The following ZNF718 variants were observed in gnomAD, a reference collection of about 807,000 sequenced individuals.
ZNF718 encodes zinc finger protein 718.
In ZNF718, 3 loss-of-function variants were observed where a neutral mutation model predicts 2.6. That is an observed-to-expected ratio of 1.16 (90% CI 0.53 to 3.01). The LOEUF (loss-of-function observed/expected upper bound fraction) is 3.01. Ranked by LOEUF, ZNF718 falls within the 30% of genes most tolerant of loss-of-function variation. The pLI is 0.03. For synonymous variants in ZNF718, 135 were observed against 77.9 expected (o/e 1.73, Z -3.86); for missense variants, 468 against 230.0 (o/e 2.03, Z -6.69).
chr4:180,036 A>AG (rs1207356108), intron 3 of ZNF718, among the ~76,000 whole-genome samples: 1 of 152,236 alleles, frequency 6.6e-6, no homozygotes, highest in Non-Finnish European at 1.5e-5. Flanking sequence ...AAGGAAGCAG[A>AG]GAAAAAAATA....
chr4:168,359 C>A (rs1043563987), downstream of ZNF718, among the ~76,000 whole-genome samples: 1 of 152,130 alleles, frequency 6.6e-6, no homozygotes, highest in Admixed American at 6.6e-5. Context: ...ATGATGCTGG[C>A]CTCATAAAAT....
intron 3 of ZNF718, among the ~76,000 whole-genome samples, chr4:160,235 C>T (rs1367857492): frequency 6.6e-6 from 1 of 152,128 alleles, no homozygotes; most frequent in Admixed American, 6.6e-5. Flanking sequence ...CTCTAAGAAG[C>T]CAGGTGTTGG....
In ZNF718 at chr4:130,551, T is replaced by A. The variant is rs1186485317; in HGVS notation, c.4-237T>A. ...TCACGAGGTCAGAAGATGGAGACCA[T>A]CCTGGCCAACATCGTGAAACCCTGT... is the stretch of plus-strand genomic sequence containing the variant. On this transcript the variant is annotated intron_variant, in intron 1 of 3. Coordinates refer to ENST00000510175, the MANE Select transcript of ZNF718 (RefSeq NM_001039127.6). Among the ~76,000 whole-genome samples, 8 of 102,112 alleles carry A rather than the reference T, an allele frequency of 7.8e-5. 3 individuals carry two copies. Among genetic ancestry groups the A allele is most frequent in the Admixed American group, 2.1e-4 (2 of 9,422 alleles). 67.0% of individuals were successfully genotyped at this position (102,112 alleles called of 152,430 possible). A position where few individuals can be genotyped will look rare whatever the true frequency, so the allele number is the denominator to read the frequency against.
At chr4:138,382 G>A (rs372540842) in intron 3 of ZNF718, among the ~76,000 whole-genome samples, 14 of 152,202 alleles carry the variant, frequency 9.2e-5, no homozygotes, top group African/African-American at 2.6e-4. Context: ...AACATGCAAC[G>A]TTTGCCTTCA....
At chr4:150,668 A>C (rs1299264580) in intron 3 of ZNF718, among the ~76,000 whole-genome samples, 9 of 152,264 alleles carry the variant, frequency 5.9e-5, no homozygotes, top group African/African-American at 2.2e-4. Flanking sequence ...AATTGGATTG[A>C]TTCCATATAT....
At chr4:134,354 G>A (rs1715465152) in intron 3 of ZNF718, among the ~76,000 whole-genome samples, 1 of 152,140 alleles carries the variant, frequency 6.6e-6, no homozygotes, top group Non-Finnish European at 1.5e-5. Context: ...CACCATGTTA[G>A]CCAGGATGGT....
At chr4:150,728 T>G (rs761356463) in intron 3 of ZNF718, among the ~76,000 whole-genome samples, 19 of 150,390 alleles carry the variant, frequency 1.3e-4, no homozygotes, top group Non-Finnish European at 2.2e-4. Context: ...AGATGTCTCT[T>G]TGACATACTG....
chr4:150,619 GT>G lies in ZNF718; in HGVS notation c.227-10292del, dbSNP rs200492854. On this transcript the variant is annotated intron_variant, in intron 3 of 3. Transcript: ENST00000510175. ...TTATAACTGAATAGTATTTTGTTGTGTATCTGTACTAGATTTTCTTTATCAT... is the reference window on the plus strand; with the variant it reads ...TTATAACTGAATAGTATTTTGTTGTGATCTGTACTAGATTTTCTTTATCAT... 8.8e-3 allele frequency among the ~76,000 whole-genome samples: 1,337 copies of G among 151,948 alleles called. 13 individuals are homozygous for G. Among genetic ancestry groups the G allele is most frequent in the Non-Finnish European group, 0.015 (1,006 of 67,944 alleles).
intron 2 of ZNF718, among the ~76,000 whole-genome samples, 174 bp from the exon 3 acceptor site, chr4:131,236 T>TA (rs1715342390): frequency 9.6e-6 from 1 of 104,296 alleles, no homozygotes; most frequent in African/African-American, 3.3e-5. Context: ...TAGTGGAACT[T>TA]AAAGCCCACA....
chr4:137,752 CT>C (rs879997726), intron 3 of ZNF718, among the ~76,000 whole-genome samples: 128 of 143,704 alleles, frequency 8.9e-4, no homozygotes, highest in Non-Finnish European at 1.4e-3. Context: ...ATACTTTTTA[CT>C]TTTTTTTTTC....
intron 3 of ZNF718, among the ~76,000 whole-genome samples, chr4:172,756 T>C (rs1717264820): frequency 6.6e-6 from 1 of 152,114 alleles, no homozygotes; most frequent in Non-Finnish European, 1.5e-5. Flanking sequence ...TGTGTGTAAA[T>C]GTATAAAACA....
At position 184,031 on chromosome 4, in the gene ZNF718, C is replaced by A. The variant is rs377685921; in HGVS notation, c.227-17050C>A. On this transcript the variant is annotated intron_variant and NMD_transcript_variant, in intron 3 of 4. Transcript: ENST00000642529. Reference sequence around the variant, plus strand: ...TCTTGCCTGATTGCCGTGGCCACAACTTCCAATACTGTGTTGAATAAAAGT... The same window carrying A: ...TCTTGCCTGATTGCCGTGGCCACAAATTCCAATACTGTGTTGAATAAAAGT... 2.6e-5 allele frequency among the ~76,000 whole-genome samples: 4 copies of A among 152,162 alleles called. No individual in the cohort carries two copies. In the East Asian group the frequency reaches 7.7e-4, roughly 29 times the overall value.
At chr4:149,659 G>A (rs1389269315) in intron 3 of ZNF718, 1 of 151,894 alleles carries the variant, frequency 6.6e-6, no homozygotes, top group Non-Finnish European at 1.5e-5. Flanking sequence ...AAGTTAGGTG[G>A]TATTTGCCTG....
intron 3 of ZNF718, among the ~76,000 whole-genome samples, chr4:170,959 T>TG (rs1717212130): frequency 6.6e-6 from 1 of 152,138 alleles, no homozygotes; most frequent in South Asian, 2.1e-4. Flanking sequence ...GCTCCGTTTT[T>TG]CCCCCATCTT....
chr4:126,223 A>T (rs976365060), intron 1 of ZNF718, among the ~76,000 whole-genome samples: 22 of 152,364 alleles, frequency 1.4e-4, no homozygotes, highest in African/African-American at 5.0e-4. Context: ...ACCATGCCTT[A>T]GACCTGGCTG....
At chr4:188,907 C>A (rs1303264438) in intron 3 of ZNF718, among the ~76,000 whole-genome samples, 1 of 151,664 alleles carries the variant, frequency 6.6e-6, no homozygotes, top group Non-Finnish European at 1.5e-5. Flanking sequence ...TTAGTAAGAA[C>A]TGATATCAGA....
chr4:126,357 A>G (rs1378200921), intron 1 of ZNF718, among the ~76,000 whole-genome samples: 1 of 152,206 alleles, frequency 6.6e-6, no homozygotes, highest in Non-Finnish European at 1.5e-5. Flanking sequence ...TATTTTCACC[A>G]GTTTTTGAAA....
chr4:137,539 C>T (rs1395775497), intron 3 of ZNF718, among the ~76,000 whole-genome samples: 2 of 152,054 alleles, frequency 1.3e-5, no homozygotes, highest in African/African-American at 2.4e-5. Flanking sequence ...TTGATATTGG[C>T]CATTCCAATT....
At chr4:168,854 C>T (rs1717158450), downstream of ZNF718, among the ~76,000 whole-genome samples, 1 of 152,214 alleles carries the variant, frequency 6.6e-6, no homozygotes, top group African/African-American at 2.4e-5. Flanking sequence ...CTATCTCCTT[C>T]AATTCTGCTC....
Sources: allele counts gnomAD v4.1 joint callset (sites outside exome capture counted in the v4.1 genomes callset), GRCh38; gene constraint gnomAD v4.1.1; transcripts MANE v1.5; gene names NCBI Gene and HGNC (gene_info 2026-07-23, HGNC 2026-07-21).